Variants in GLS observed in about 807,000 individuals in gnomAD.
GLS encodes the protein glutaminase kidney isoform, mitochondrial.
GLS carries 36 observed loss-of-function variants against 86.7 expected under a neutral mutation model. That is an observed-to-expected ratio of 0.42 (90% confidence interval 0.32 to 0.55). GLS has a LOEUF of 0.55. GLS is among the 20% of genes least tolerant of loss of function. The pLI is 0.17. For synonymous variants in GLS, 317 were observed against 305.9 expected (o/e 1.04, Z -0.38); for missense variants, 528 against 833.4 (o/e 0.63, Z 4.51).
At position 190,963,776 on chromosome 2, in the gene GLS, A is replaced by G. The variant is rs1054470764; in HGVS notation, c.*790A>G. 6.6e-6 allele frequency: 1 copy of G among 152,384 alleles called. No homozygotes were observed. Among genetic ancestry groups the G allele is most frequent in the African/African-American group, 2.4e-5 (1 of 41,422 alleles). The allele number at this position is 152,384 out of a possible 1,614,324, so 9.4% of individuals were successfully genotyped here. ...CATAGTAAGTCAGAAAATGCCTCCT[A>G]TTTCTGGCATCAGAACTTTGCCATT... On this transcript the variant is annotated 3_prime_UTR_variant, in exon 18 of 18. Transcript: ENST00000320717.
At chr2:190,923,787 A>G in intron 9 of GLS, 130 bp from the exon 10 acceptor site, 1 of 632,482 alleles carries the variant, frequency 1.6e-6, no homozygotes, top group Non-Finnish European at 2.8e-6. Context: ...GACAGAATTG[A>G]TTGGAACTCT....
At chr2:190,909,163 C>T (rs957456455) in intron 6 of GLS, among the ~76,000 whole-genome samples, 4 of 151,980 alleles carry the variant, frequency 2.6e-5, no homozygotes, top group Non-Finnish European at 4.4e-5. Context: ...ATTATGAATA[C>T]ACCCAAAATG....
At chr2:190,936,800 G>T (rs1690282254) in intron 14 of GLS, among the ~76,000 whole-genome samples, 1 of 151,262 alleles carries the variant, frequency 6.6e-6, no homozygotes, top group East Asian at 1.9e-4. Flanking sequence ...TTATGGAACA[G>T]TTTTATTTAG....
At chr2:190,893,720 G>A (rs1574564762) in intron 1 of GLS, among the ~76,000 whole-genome samples, 1 of 152,010 alleles carries the variant, frequency 6.6e-6, no homozygotes, top group African/African-American at 2.4e-5. Context: ...CAAGTAGCCG[G>A]GATTCAGGCG....
At position 190,954,919 on chromosome 2, in the gene GLS, A is replaced by G. The variant is rs1443157453; in HGVS notation, c.1853+101A>G. The G allele has an allele frequency of 1.3e-6, 1 of 772,702 alleles. No individual in the cohort carries two copies. Among genetic ancestry groups the G allele is most frequent in the African/African-American group, 1.7e-5 (1 of 57,484 alleles). 47.9% of individuals were successfully genotyped at this position (772,702 alleles called of 1,614,324 possible). On this transcript the variant is annotated intron_variant, in intron 17 of 17. Transcript: ENST00000320717. The surrounding 1 kb of genome is among the most constrained non-coding windows in gnomAD (Gnocchi z 4.0). ...TTTCAACCTACTAAGACATTCTTGA[A>G]CCTGCTATGATATCTTATAAAGGCA...
chr2:190,931,663 G>A, intron 14 of GLS, 26 bp downstream of exon 14: 2 of 1,109,532 alleles, frequency 1.8e-6, no homozygotes. Context: ...ATTTAGATAA[G>A]TATATAAAAT....
intron 5 of GLS, among the ~76,000 whole-genome samples, chr2:190,904,308 A>G (rs1689054861): frequency 1.3e-5 from 2 of 152,140 alleles, no homozygotes; most frequent in Non-Finnish European, 2.9e-5. Flanking sequence ...AAAAAAGGTG[A>G]ATAATTTCTA....
At chr2:190,948,500 C>T (rs1388350348) in intron 14 of GLS, among the ~76,000 whole-genome samples, 1 of 152,144 alleles carries the variant, frequency 6.6e-6, no homozygotes, top group African/African-American at 2.4e-5. Context: ...AATAAAATCT[C>T]TTCAAACGAG....
At chr2:190,904,457 A>G (rs956054041) in intron 5 of GLS, among the ~76,000 whole-genome samples, 3 of 152,170 alleles carry the variant, frequency 2.0e-5, no homozygotes, top group African/African-American at 4.8e-5. Flanking sequence ...TTACGTGAAT[A>G]CTTTCATGCT....
intron 14 of GLS, among the ~76,000 whole-genome samples, chr2:190,940,648 T>G (rs1558990623): frequency 6.6e-6 from 1 of 152,066 alleles, no homozygotes; most frequent in Non-Finnish European, 1.5e-5. Flanking sequence ...CCCACTTGTG[T>G]GACCTTAAGA....
intron 1 of GLS, chr2:190,881,689 C>G (rs1057349434): frequency 2.2e-6 from 1 of 460,630 alleles, no homozygotes; most frequent in Non-Finnish European, 3.8e-6. Context: ...CTTCCCTTCT[C>G]CGCCCCCGGC....
Position 190,955,624 on chromosome 2 carries a change from A to T in GLS, c.1853+806A>T, listed in dbSNP as rs1690842943. Reference sequence around the variant, plus strand: ...GTGTCTTTATAGTAGAATGATTTATAATCTTTTGGGTATATACCCAGTAAT... The same window carrying T: ...GTGTCTTTATAGTAGAATGATTTATTATCTTTTGGGTATATACCCAGTAAT... On this transcript the variant is annotated intron_variant, in intron 17 of 17. Coordinates refer to ENST00000320717, the MANE Select transcript of GLS (RefSeq NM_014905.5). The surrounding 1 kb of genome is among the most constrained non-coding windows in gnomAD (Gnocchi z 5.6). Among the ~76,000 whole-genome samples the T allele has an allele frequency of 6.6e-6, 1 of 152,174 alleles. No homozygotes were observed. The highest frequency in any genetic ancestry group is 2.1e-4 in the South Asian group (1 of 4,826).
At chr2:190,904,450 C>G (rs190226546) in intron 5 of GLS, among the ~76,000 whole-genome samples, 11 of 152,062 alleles carry the variant, frequency 7.2e-5, no homozygotes, top group African/African-American at 2.7e-4. Context: ...TATTCTGTTA[C>G]GTGAATACTT....
Position 190,881,231 on chromosome 2 carries a change from T to C in GLS, c.147T>C (p.Ala49=). 1 of 1,247,304 alleles carries C rather than the reference T, an allele frequency of 8.0e-7. No individual in the cohort carries two copies. The highest frequency in any genetic ancestry group is 1.0e-6 in the Non-Finnish European group (1 of 999,082). The allele number at this position is 1,247,304 out of a possible 1,614,324, so 77.3% of individuals were successfully genotyped here. ...GGGGACGGCCGGCCGCGGGCCCGGC[T>C]GCCGCCGCGCGACTCCACCCGTGGT... is the stretch of plus-strand genomic sequence containing the variant. ...RGGGRPAAGP[A]AAARLHPWWG... Residue 49 remains alanine, a synonymous_variant, in exon 1 of 18, where the codon GCT becomes GCC. Transcript: ENST00000320717.
intron 6 of GLS, 119 bp from the exon 7 acceptor site, chr2:190,910,144 T>C (rs1689306936): frequency 1.6e-6 from 1 of 611,772 alleles, no homozygotes; most frequent in East Asian, 3.1e-5. Context: ...AATAAAGCAC[T>C]AAGAAAAAAG....
At chr2:190,961,687 C>CGT (rs1172048241) in intron 17 of GLS, among the ~76,000 whole-genome samples, 1 of 61,808 alleles carries the variant, frequency 1.6e-5, no homozygotes. Flanking sequence ...CTTAATTCAG[C>CGT]TGTTTTTTTT....
In GLS at chr2:190,895,448, T is replaced by G; in HGVS notation, c.484-156T>G. On this transcript the variant is annotated intron_variant, in intron 2 of 17. Transcript: ENST00000320717. The surrounding 1 kb of genome is among the most constrained non-coding windows in gnomAD (Gnocchi z 4.2). ...AAAAAGAAAGAAACAATGAGAAACT[T>G]GTCCAGAAAGTGGGTAATAGTGACA... 1 of 580,332 alleles carries G rather than the reference T, an allele frequency of 1.7e-6. No individual in the cohort carries two copies. Among genetic ancestry groups the G allele is most frequent in the Non-Finnish European group, 3.0e-6 (1 of 335,296 alleles). The allele number at this position is 580,332 out of a possible 1,614,324, so 35.9% of individuals were successfully genotyped here.
intron 11 of GLS, among the ~76,000 whole-genome samples, chr2:190,925,373 T>C (rs1264952214): frequency 1.3e-5 from 2 of 152,282 alleles, no homozygotes; most frequent in South Asian, 2.1e-4. Flanking sequence ...CGGGCTTTCT[T>C]GTAAGTTAGA....
At position 190,913,044 on chromosome 2, in the gene GLS, T is replaced by A. The variant is rs1391992562; in HGVS notation, c.1038+2723T>A. ...TGATGACCTTAAGGCTATTTGTGAT[T>A]TTTTTTTTTCTTTCAAAATTCAGGA... On this transcript the variant is annotated intron_variant, in intron 7 of 17. Transcript: ENST00000320717. The surrounding 1 kb of genome is among the most constrained non-coding windows in gnomAD (Gnocchi z 6.1). 7 of 412,728 alleles carry A rather than the reference T, an allele frequency of 1.7e-5. No individual in the cohort carries two copies. In the East Asian group the frequency reaches 3.2e-4, roughly 19 times the overall value. The allele number at this position is 412,728 out of a possible 1,614,324, so 25.6% of individuals were successfully genotyped here. A position where few individuals can be genotyped will look rare whatever the true frequency, so the allele number is the denominator to read the frequency against.
Sources: gnomAD v4.1 joint callset for allele counts (sites outside exome capture counted in the v4.1 genomes callset) on GRCh38, gnomAD v4.1.1 for gene constraint, Gnocchi (gnomAD v3.1) non-coding constraint, MANE v1.5 for transcripts, NCBI Gene and HGNC (gene_info 2026-07-23, HGNC 2026-07-21) for gene names.